The following LSAMP variants were observed in gnomAD, a reference collection of about 807,000 sequenced individuals.
LSAMP encodes the protein limbic system-associated membrane protein.
A neutral mutation model predicts 38.6 loss-of-function variants in LSAMP; 7 were observed. The ratio of observed to expected loss-of-function variants is 0.18; its 90% CI spans 0.10 to 0.34. The LOEUF (loss-of-function observed/expected upper bound fraction) is 0.34, where lower values mean the gene tolerates loss of function less well. Ranked by LOEUF, LSAMP falls within the 10% of genes least tolerant of loss-of-function variation. The pLI, the probability that LSAMP is intolerant of heterozygous loss-of-function variation, is 1.00. For missense variants in LSAMP, 313 were observed against 420.0 expected (o/e 0.75, Z 2.23); for synonymous variants, 154 against 166.8 (o/e 0.92, Z 0.59).
At chr3:115,982,381 A>G (rs1939387487) in intron 3 of LSAMP, among the ~76,000 whole-genome samples, 1 of 152,218 alleles carries the variant, frequency 6.6e-6, no homozygotes, top group African/African-American at 2.4e-5. Flanking sequence ...AATCATCTGG[A>G]TGCCTATTAG....
intron 3 of LSAMP, among the ~76,000 whole-genome samples, chr3:115,943,545 G>T (rs1192450458): frequency 2.6e-5 from 4 of 152,158 alleles, no homozygotes; most frequent in African/African-American, 4.8e-5. Flanking sequence ...TGCCTGACAG[G>T]CTATCTGTTC....
At chr3:116,166,786 T>A (rs1710061355) in intron 1 of LSAMP, among the ~76,000 whole-genome samples, 1 of 146,754 alleles carries the variant, frequency 6.8e-6, no homozygotes, top group Non-Finnish European at 1.5e-5. Context: ...GTTTTTTTTT[T>A]GTTTTTTTTT....
intron 6 of LSAMP, among the ~76,000 whole-genome samples, chr3:115,822,037 G>A (rs769255399): frequency 6.6e-6 from 1 of 152,144 alleles, no homozygotes; most frequent in Non-Finnish European, 1.5e-5. Context: ...CTTTCTCACA[G>A]ATTTCTTCAC....
At chr3:115,819,334 C>T (rs1240371666) in intron 6 of LSAMP, among the ~76,000 whole-genome samples, 2 of 151,562 alleles carry the variant, frequency 1.3e-5, no homozygotes, top group South Asian at 4.2e-4. Flanking sequence ...ACTTGGGAGG[C>T]GGAGGCAGGA....
At chr3:115,979,360 C>T (rs932733525) in intron 3 of LSAMP, among the ~76,000 whole-genome samples, 2 of 151,872 alleles carry the variant, frequency 1.3e-5, no homozygotes, top group African/African-American at 2.4e-5. Context: ...TATGGAAGGA[C>T]GTGAGAAGAA....
At chr3:116,353,120 G>A (rs1042477690) in intron 1 of LSAMP, among the ~76,000 whole-genome samples, 1 of 151,996 alleles carries the variant, frequency 6.6e-6, no homozygotes, top group African/African-American at 2.4e-5. Context: ...GGATAATCAG[G>A]GTGGTATGCT....
In LSAMP at chr3:115,898,677, C is replaced by G. The variant is rs184663895; in HGVS notation, c.515-46060G>C. Among the ~76,000 whole-genome samples, 4 of 151,856 alleles carry G rather than the reference C, an allele frequency of 2.6e-5. No homozygotes were observed. In the East Asian group the frequency reaches 7.8e-4, roughly 30 times the overall value. ...AACAAGATACAATTAGATTGAGACTCACCTAGTACCCAGCCAATGGTCCAG... is the reference window on the plus strand; with the variant it reads ...AACAAGATACAATTAGATTGAGACTGACCTAGTACCCAGCCAATGGTCCAG... On this transcript the variant is annotated intron_variant, in intron 3 of 6. Transcript: ENST00000490035.
intron 1 of LSAMP, among the ~76,000 whole-genome samples, chr3:116,124,614 G>A (rs1331042069): frequency 2.0e-5 from 3 of 152,138 alleles, no homozygotes; most frequent in Admixed American, 1.3e-4. Context: ...TTGGGAAAAC[G>A]TTTCTGGGCA....
intron 1 of LSAMP, among the ~76,000 whole-genome samples, chr3:116,197,619 C>T (rs1170104733): frequency 6.6e-6 from 1 of 152,124 alleles, no homozygotes; most frequent in East Asian, 1.9e-4. Flanking sequence ...ATTTTCTTGT[C>T]ATTATAATCT....
At chr3:115,913,780 T>G (rs189106050) in intron 3 of LSAMP, among the ~76,000 whole-genome samples, 2 of 152,220 alleles carry the variant, frequency 1.3e-5, no homozygotes, top group East Asian at 3.9e-4. Flanking sequence ...GGTTCTTCCA[T>G]AAGAAGGGGA....
At chr3:116,313,499 G>A (rs1410774363) in intron 1 of LSAMP, among the ~76,000 whole-genome samples, 1 of 152,206 alleles carries the variant, frequency 6.6e-6, no homozygotes, top group Non-Finnish European at 1.5e-5. Context: ...GGCACTGCCT[G>A]TGTTTTCTCT....
chr3:116,051,967 G>C (rs1395939083), intron 2 of LSAMP, among the ~76,000 whole-genome samples: 1 of 152,136 alleles, frequency 6.6e-6, no homozygotes, highest in African/African-American at 2.4e-5. Flanking sequence ...TTTAAATGTT[G>C]AGCAAAGCAA....
At chr3:116,043,927 A>C (rs572617484) in intron 2 of LSAMP, among the ~76,000 whole-genome samples, 2 of 152,334 alleles carry the variant, frequency 1.3e-5, no homozygotes, top group East Asian at 1.9e-4. Context: ...GCCTGGGCGA[A>C]AGAGCGAGAC....
intron 1 of LSAMP, among the ~76,000 whole-genome samples, chr3:116,182,874 A>G (rs935657783): frequency 6.6e-5 from 10 of 151,876 alleles, no homozygotes; most frequent in Non-Finnish European, 1.5e-4. Flanking sequence ...ATACACAGAT[A>G]AAAGTCCAAA....
intron 1 of LSAMP, among the ~76,000 whole-genome samples, chr3:116,238,032 C>T (rs1242444786): frequency 6.6e-6 from 1 of 152,138 alleles, no homozygotes; most frequent in African/African-American, 2.4e-5. Flanking sequence ...AGCATCCATC[C>T]CTTCCTCCAC....
intron 1 of LSAMP, among the ~76,000 whole-genome samples, chr3:116,397,112 TA>T (rs1235705294): frequency 3.9e-5 from 6 of 152,184 alleles, no homozygotes; most frequent in African/African-American, 1.4e-4. Flanking sequence ...AAATGGCACT[TA>T]TGGCTTCCCA....
At chr3:116,030,564 C>G (rs1940895593) in intron 2 of LSAMP, among the ~76,000 whole-genome samples, 3 of 152,036 alleles carry the variant, frequency 2.0e-5, no homozygotes. Context: ...GGCAAAATAA[C>G]TTTTATGTTT....
chr3:116,095,266 T>A (rs375229232), intron 1 of LSAMP, among the ~76,000 whole-genome samples: 5 of 152,332 alleles, frequency 3.3e-5, no homozygotes, highest in African/African-American at 1.2e-4. Context: ...AAAGTTCACA[T>A]GGCAAATGGC....
chr3:116,075,620 C>T (rs1707723807), intron 2 of LSAMP, among the ~76,000 whole-genome samples: 1 of 151,162 alleles, frequency 6.6e-6, no homozygotes, highest in African/African-American at 2.4e-5. Context: ...CGGCTCACTG[C>T]AACCTCCGCT....
Sources: gnomAD v4.1 joint callset for allele counts (sites outside exome capture counted in the v4.1 genomes callset) on GRCh38, gnomAD v4.1.1 for gene constraint, MANE v1.5 for transcripts, NCBI Gene and HGNC (gene_info 2026-07-23, HGNC 2026-07-21) for gene names.